The following AGFG1 variants were observed in gnomAD, a reference collection of about 807,000 sequenced individuals.
The protein encoded by AGFG1 is ArfGAP with FG repeats 1.
A neutral mutation model predicts 60.6 loss-of-function variants in AGFG1; 10 were observed. The ratio of observed to expected loss-of-function variants is 0.16; its 90% CI spans 0.10 to 0.28. The LOEUF is 0.28. AGFG1 is among the 10% of genes least tolerant of loss of function. The probability of loss-of-function intolerance (pLI) is 1.00; values close to 1 mark genes in which losing one functional copy is unlikely to be tolerated. For synonymous variants in AGFG1, 247 were observed against 242.9 expected, an observed-to-expected ratio of 1.02 and a Z score of -0.16; for missense variants, 537 against 676.5, an observed-to-expected ratio of 0.79 and a Z score of 2.29.
At chr2:227,503,239 T>TAA (rs764673226) in intron 2 of AGFG1, among the ~76,000 whole-genome samples, 2 of 133,676 alleles carry the variant, frequency 1.5e-5, no homozygotes, top group Non-Finnish European at 3.3e-5. Flanking sequence ...TTGTCTCAAT[T>TAA]AAAAAAAAAA....
chr2:227,501,896 T>A (rs1691168797), intron 2 of AGFG1, among the ~76,000 whole-genome samples: 1 of 145,182 alleles, frequency 6.9e-6, no homozygotes, highest in African/African-American at 2.5e-5. Flanking sequence ...TCTTACTCTG[T>A]TGTCCAGGCT....
intron 2 of AGFG1, among the ~76,000 whole-genome samples, chr2:227,497,899 C>T (rs946756476): frequency 1.3e-5 from 2 of 151,790 alleles, no homozygotes; most frequent in South Asian, 2.1e-4. Flanking sequence ...CATGTACCAC[C>T]ATGCCTGGCT....
At position 227,557,388 on chromosome 2, in the gene AGFG1, C is replaced by T. The variant is rs563542234; in HGVS notation, c.*2893C>T. 8 of 152,218 alleles carry T rather than the reference C, an allele frequency of 5.3e-5. No individual in the cohort carries two copies. In the South Asian group the frequency reaches 1.7e-3, roughly 32 times the overall value. 9.4% of individuals were successfully genotyped at this position (152,218 alleles called of 1,614,324 possible). A position where few individuals can be genotyped will look rare whatever the true frequency, so the allele number is the denominator to read the frequency against. On this transcript the variant is annotated 3_prime_UTR_variant, in exon 13 of 13. Coordinates refer to ENST00000310078, the MANE Select transcript of AGFG1 (RefSeq NM_004504.5). ...GCTTTACCTGTGAAATTCCCCGCCCCCCTGCACACACACCCACTTTAGTAC... is the reference window on the plus strand; with the variant it reads ...GCTTTACCTGTGAAATTCCCCGCCCTCCTGCACACACACCCACTTTAGTAC...
intron 10 of AGFG1, among the ~76,000 whole-genome samples, chr2:227,547,585 A>G (rs1281796748): frequency 6.6e-6 from 1 of 152,230 alleles, no homozygotes; most frequent in African/African-American, 2.4e-5. Context: ...AAGAACTCGT[A>G]ACGACTAAAT....
At chr2:227,487,997 A>C (rs1330702659) in intron 1 of AGFG1, among the ~76,000 whole-genome samples, 1 of 152,216 alleles carries the variant, frequency 6.6e-6, no homozygotes, top group Admixed American at 6.5e-5. Context: ...GAACACATAA[A>C]ATTTCCTCAT....
chr2:227,518,886 G>C (rs761383541), intron 2 of AGFG1, among the ~76,000 whole-genome samples: 5 of 152,138 alleles, frequency 3.3e-5, no homozygotes, highest in Non-Finnish European at 4.4e-5. Flanking sequence ...CTTTAAACAA[G>C]TGTTGGCTGG....
intron 1 of AGFG1, among the ~76,000 whole-genome samples, chr2:227,477,694 C>T (rs1396107121): frequency 6.6e-6 from 1 of 152,176 alleles, no homozygotes; most frequent in Non-Finnish European, 1.5e-5. Flanking sequence ...CAACCTCCAC[C>T]TCCCAGGTTC....
rs1157079644 is a variant in AGFG1, at chr2:227,553,482, TGAGATCATGTCTCAAAAAAAAAAAAAAAA to T, written c.1538-221_1538-193del. Reference sequence around the variant, plus strand: ...CTGGACTCTGGCCTGGGTAATAGAGTGAGATCATGTCTCAAAAAAAAAAAAAAAAAGGTTATTTTAAGACATGCTACAGT... The same window carrying T: ...CTGGACTCTGGCCTGGGTAATAGAGTAGGTTATTTTAAGACATGCTACAGT... On this transcript the variant is annotated intron_variant, in intron 11 of 12. Coordinates refer to ENST00000310078, the MANE Select transcript of AGFG1 (RefSeq NM_004504.5). Among the ~76,000 whole-genome samples, 1,073 of 132,768 alleles carry T rather than the reference TGAGATCATGTCTCAAAAAAAAAAAAAAAA, an allele frequency of 8.1e-3. 17 individuals carry two copies. Among genetic ancestry groups the T allele is most frequent in the African/African-American group, 0.028 (1,011 of 35,604 alleles). 87.1% of individuals were successfully genotyped at this position (132,768 alleles called of 152,430 possible).
At chr2:227,507,314 C>A (rs1266856006) in intron 2 of AGFG1, among the ~76,000 whole-genome samples, 1 of 152,070 alleles carries the variant, frequency 6.6e-6, no homozygotes, top group African/African-American at 2.4e-5. Flanking sequence ...CCTAACAAGG[C>A]ATTAATGAAG....
chr2:227,498,518 T>G (rs560107204), intron 2 of AGFG1, among the ~76,000 whole-genome samples: 26 of 152,346 alleles, frequency 1.7e-4, no homozygotes, highest in African/African-American at 5.8e-4. Context: ...GTCTGGCCTT[T>G]TAAGCATTTT....
intron 1 of AGFG1, among the ~76,000 whole-genome samples, chr2:227,483,157 C>G (rs1275684780): frequency 6.6e-6 from 1 of 152,020 alleles, no homozygotes; most frequent in African/African-American, 2.4e-5. Flanking sequence ...TGAATTCACC[C>G]TGTAGCTAGA....
At chr2:227,540,114 G>A (rs1692442652) in intron 10 of AGFG1, among the ~76,000 whole-genome samples, 1 of 152,108 alleles carries the variant, frequency 6.6e-6, no homozygotes, top group African/African-American at 2.4e-5. Context: ...GGGATTACAG[G>A]TGTGAGCGAC....
chr2:227,503,633 C>T (rs1225596749), intron 2 of AGFG1, among the ~76,000 whole-genome samples: 1 of 152,180 alleles, frequency 6.6e-6, no homozygotes, highest in Non-Finnish European at 1.5e-5. Context: ...GACTCAGTCA[C>T]CTTTGACCAG....
At chr2:227,509,685 A>G (rs765635266) in intron 2 of AGFG1, among the ~76,000 whole-genome samples, 2 of 152,094 alleles carry the variant, frequency 1.3e-5, no homozygotes, top group Non-Finnish European at 2.9e-5. Flanking sequence ...TGTTTCCACT[A>G]TCAACTTTTC....
intron 2 of AGFG1, among the ~76,000 whole-genome samples, chr2:227,517,813 A>G (rs572875484): frequency 2.6e-5 from 4 of 152,278 alleles, no homozygotes; most frequent in Non-Finnish European, 1.5e-5. Context: ...AAACTCGTGG[A>G]CTTGTTTTTG....
chr2:227,502,708 T>C (rs1691196384), intron 2 of AGFG1, among the ~76,000 whole-genome samples: 2 of 152,240 alleles, frequency 1.3e-5, no homozygotes, highest in South Asian at 4.1e-4. Context: ...TGTTTTATAG[T>C]GAATGGTTCC....
intron 2 of AGFG1, chr2:227,510,992 T>A (rs1200741465): frequency 6.6e-6 from 1 of 152,238 alleles, no homozygotes; most frequent in Admixed American, 6.5e-5. Flanking sequence ...TCTTTGTACT[T>A]AGTAGTTACT....
At chr2:227,513,514 C>G (rs1337243547) in intron 2 of AGFG1, among the ~76,000 whole-genome samples, 2 of 152,178 alleles carry the variant, frequency 1.3e-5, no homozygotes, top group Non-Finnish European at 2.9e-5. Context: ...CAGTTCCTAT[C>G]AGGCAGCTGA....
intron 1 of AGFG1, among the ~76,000 whole-genome samples, chr2:227,474,314 T>TA (rs1182936556): frequency 6.6e-6 from 1 of 152,252 alleles, no homozygotes; most frequent in African/African-American, 2.4e-5. Flanking sequence ...TTAATCCATG[T>TA]AAAGTATTTG....
Sources: gnomAD v4.1 joint callset for allele counts (sites outside exome capture counted in the v4.1 genomes callset) on GRCh38, gnomAD v4.1.1 for gene constraint, MANE v1.5 for transcripts, NCBI Gene and HGNC (gene_info 2026-07-23, HGNC 2026-07-21) for gene names.